SZRD1: variants seen among roughly 807,000 people sequenced by gnomAD.
SZRD1 encodes SUZ RNA-binding domain-containing.
SZRD1 carries 7 observed loss-of-function variants against 17.6 expected under a neutral mutation model. That is an observed-to-expected ratio of 0.40 (90% CI 0.23 to 0.75). The LOEUF is 0.75. Ranked by LOEUF, SZRD1 falls within the 30% of genes least tolerant of loss-of-function variation. The pLI, the probability that SZRD1 is intolerant of heterozygous loss-of-function variation, is 0.38. For missense variants in SZRD1, 178 were observed against 201.8 expected, an observed-to-expected ratio of 0.88 and a Z score of 0.71; for synonymous variants, 77 against 77.9, an observed-to-expected ratio of 0.99 and a Z score of 0.06.
chr1:16,389,101 T>TTTTTTTA (rs2085177764), intron 1 of SZRD1, among the ~76,000 whole-genome samples: 1 of 132,726 alleles, frequency 7.5e-6, no homozygotes, highest in African/African-American at 2.9e-5. Context: ...TTTTTTTTTT[T>TTTTTTTA]GAGACAGAGT....
In SZRD1 at chr1:16,397,881, G is replaced by A. The variant is rs2085339344; in HGVS notation, c.*2741G>A. 1 of 409,280 alleles carries A rather than the reference G, an allele frequency of 2.4e-6. No individual in the cohort carries two copies. The highest frequency in any genetic ancestry group is 2.2e-5 in the African/African-American group (1 of 46,484). 25.4% of individuals were successfully genotyped at this position (409,280 alleles called of 1,614,324 possible). A position where few individuals can be genotyped will look rare whatever the true frequency, so the allele number is the denominator to read the frequency against. Reference sequence around the variant, plus strand: ...TGCCCTGCTCAGGGATGGGCTGGCAGGGCTGTACCCAGCCTCCCTGGTAAG... The same window carrying A: ...TGCCCTGCTCAGGGATGGGCTGGCAAGGCTGTACCCAGCCTCCCTGGTAAG... On this transcript the variant is annotated 3_prime_UTR_variant, in exon 4 of 4. Coordinates refer to ENST00000401088, the MANE Select transcript of SZRD1 (RefSeq NM_001114600.3). The surrounding 1 kb of genome is among the most constrained non-coding windows in gnomAD (Gnocchi z 5.4).
chr1:16,367,738 C>T (rs1208267521), intron 1 of SZRD1: 1 of 177,794 alleles, frequency 5.6e-6, no homozygotes, highest in South Asian at 1.6e-4. Flanking sequence ...GAGGCATGTC[C>T]GGCTTCGCAG....
At chr1:16,392,747 G>A (rs1201687855) in intron 2 of SZRD1, among the ~76,000 whole-genome samples, 1 of 152,162 alleles carries the variant, frequency 6.6e-6, no homozygotes, top group African/African-American at 2.4e-5. Context: ...CCTTTGTAGT[G>A]TTTGTCTGGT....
chr1:16,393,094 G>T lies in SZRD1; in HGVS notation c.102-134G>T, dbSNP rs987070056. 7.8e-7 allele frequency: 1 copy of T among 1,280,312 alleles called. No homozygotes were observed. The highest frequency in any genetic ancestry group is 2.1e-5 in the Admixed American group (1 of 48,690). The allele number at this position is 1,280,312 out of a possible 1,614,324, so 79.3% of individuals were successfully genotyped here. On this transcript the variant is annotated intron_variant, in intron 2 of 3. Coordinates refer to ENST00000401088, the MANE Select transcript of SZRD1 (RefSeq NM_001114600.3). This position sits in a 1 kb window ranked among gnomAD's most constrained non-coding sequence, Gnocchi z 5.6. ...TTGAGGAGTGGAAATTTTGCTGTCT[G>T]GTCAGAGGCCAGAGAATCATGCATG...
At chr1:16,372,299 C>G (rs375600096) in intron 1 of SZRD1, among the ~76,000 whole-genome samples, 1 of 152,034 alleles carries the variant, frequency 6.6e-6, no homozygotes, top group African/African-American at 2.4e-5. Context: ...ATGGTGAAAC[C>G]CCGTCTCTAT....
At chr1:16,368,576 C>T (rs2082861597) in intron 1 of SZRD1, among the ~76,000 whole-genome samples, 1 of 152,208 alleles carries the variant, frequency 6.6e-6, no homozygotes, top group Non-Finnish European at 1.5e-5. Flanking sequence ...TGACAACCAT[C>T]TTTCTTGAGT....
rs559453815 is a variant in SZRD1, at chr1:16,382,869, A to AT, written c.52-8492dup. ...AGGTACAATGTGAGCCACATGGATA[A>AT]TTTTTTTTTTTTTTGAGACGGAGTC... On this transcript the variant is annotated intron_variant, in intron 1 of 3. Transcript: ENST00000401088. Among the ~76,000 whole-genome samples, 1,035 of 140,546 alleles carry AT rather than the reference A, an allele frequency of 7.4e-3. 15 individuals are homozygous for AT. Among genetic ancestry groups the AT allele is most frequent in the South Asian group, 0.054 (241 of 4,428 alleles). The allele number at this position is 140,546 out of a possible 152,430, so 92.2% of individuals were successfully genotyped here. A position where few individuals can be genotyped will look rare whatever the true frequency, so the allele number is the denominator to read the frequency against.
At chr1:16,375,757 T>C (rs567494605) in intron 1 of SZRD1, among the ~76,000 whole-genome samples, 1 of 152,216 alleles carries the variant, frequency 6.6e-6, no homozygotes, top group East Asian at 1.9e-4. Context: ...ATAATAAATA[T>C]GTACAGCTAA....
At chr1:16,381,248 T>A (rs1388385940) in intron 1 of SZRD1, among the ~76,000 whole-genome samples, 3 of 151,936 alleles carry the variant, frequency 2.0e-5, no homozygotes, top group African/African-American at 7.3e-5. Flanking sequence ...AGCAAGAACT[T>A]GTTTCTTAAA....
chr1:16,393,472 A>G lies in SZRD1; in HGVS notation c.346A>G (p.Ile116Val). ...CCCCGAGGAGGAGCAGGAGAAACCC[A>G]TCCTCGACAGGTGAGTGTGGCTGGC... ...ASPEEEQEKP[I>V]LDRPTRISQP... Residue 116 changes from isoleucine (I) to valine (V), a missense_variant, in exon 3 of 4, where the codon ATC becomes GTC. Transcript: ENST00000401088. The surrounding 1 kb of genome is among the most constrained non-coding windows in gnomAD (Gnocchi z 5.6). The G allele has an allele frequency of 6.2e-7, 1 of 1,611,200 alleles. No homozygotes were observed. The highest frequency in any genetic ancestry group is 8.5e-7 in the Non-Finnish European group (1 of 1,178,960).
At chr1:16,374,419 C>T (rs917506697) in intron 1 of SZRD1, among the ~76,000 whole-genome samples, 1 of 152,176 alleles carries the variant, frequency 6.6e-6, no homozygotes, top group African/African-American at 2.4e-5. Flanking sequence ...ACTTCTCAGC[C>T]CTTTTTTCAT....
intron 1 of SZRD1, among the ~76,000 whole-genome samples, chr1:16,371,222 T>C (rs894156955): frequency 3.3e-5 from 5 of 151,972 alleles, no homozygotes; most frequent in Non-Finnish European, 7.4e-5. Context: ...GACAGGGTCT[T>C]GCTCTGTTGC....
intron 1 of SZRD1, 70 bp downstream of exon 1, chr1:16,367,378 G>T: frequency 7.0e-7 from 1 of 1,436,864 alleles, no homozygotes; most frequent in African/African-American, 1.4e-5. Flanking sequence ...CCGGGGAGCG[G>T]GTCTGGAGAT....
At chr1:16,379,354 C>T (rs1335070031) in intron 1 of SZRD1, among the ~76,000 whole-genome samples, 4 of 152,124 alleles carry the variant, frequency 2.6e-5, no homozygotes, top group South Asian at 2.1e-4. Context: ...CCGCCCGCCT[C>T]GTCCTCCCAA....
At chr1:16,385,343 A>C (rs1330225419) in intron 1 of SZRD1, among the ~76,000 whole-genome samples, 1 of 152,108 alleles carries the variant, frequency 6.6e-6, no homozygotes, top group East Asian at 1.9e-4. Context: ...GTAGTGTAAC[A>C]GGTGTGAGTT....
At chr1:16,383,485 G>A (rs144590738) in intron 1 of SZRD1, among the ~76,000 whole-genome samples, 5 of 151,830 alleles carry the variant, frequency 3.3e-5, no homozygotes, top group African/African-American at 1.2e-4. Context: ...CTCCCAAAGT[G>A]TTGGGATTAC....
intron 1 of SZRD1, among the ~76,000 whole-genome samples, chr1:16,376,061 G>T (rs930099365): frequency 6.6e-6 from 1 of 152,206 alleles, no homozygotes; most frequent in African/African-American, 2.4e-5. Context: ...GCTGCCTACA[G>T]CCCAGGGGGA....
At chr1:16,387,533 G>A (rs1001917399) in intron 1 of SZRD1, 29 of 456,584 alleles carry the variant, frequency 6.4e-5, no homozygotes, top group East Asian at 1.4e-4. Context: ...CTTGTTGGCC[G>A]TCATTAGGCA....
chr1:16,392,965 A>G (rs1441714207), intron 2 of SZRD1, among the ~76,000 whole-genome samples: 1 of 152,144 alleles, frequency 6.6e-6, no homozygotes, highest in Non-Finnish European at 1.5e-5. Flanking sequence ...GAAGTGCCAG[A>G]ATGAGGTGGC....
Sources: allele counts gnomAD v4.1 joint callset (sites outside exome capture counted in the v4.1 genomes callset), GRCh38; gene constraint gnomAD v4.1.1; non-coding constraint Gnocchi (gnomAD v3.1); transcripts MANE v1.5; gene names NCBI Gene and HGNC (gene_info 2026-07-23, HGNC 2026-07-21).